Variants in GTF2A2 observed in about 807,000 individuals in gnomAD.
GTF2A2 encodes the protein transcription initiation factor IIA subunit 2.
Under a neutral mutation model 14.3 loss-of-function variants are expected in GTF2A2, and 9 were observed. The ratio of observed to expected loss-of-function variants is 0.63; its 90% CI spans 0.38 to 1.10. GTF2A2 has a LOEUF of 1.10. Among genes scored for constraint, GTF2A2 ranks in the 50% least tolerant of loss-of-function variants. GTF2A2 has a pLI of 0.01. For missense variants in GTF2A2, 90 were observed against 124.6 expected (o/e 0.72, Z 1.32); for synonymous variants, 56 against 46.0 (o/e 1.22, Z -0.88).
At chr15:59,653,505 T>A (rs1246961330) in intron 1 of GTF2A2, among the ~76,000 whole-genome samples, 1 of 152,226 alleles carries the variant, frequency 6.6e-6, no homozygotes, top group East Asian at 1.9e-4. Context: ...TGTCACTGGA[T>A]ACCATTGTAT....
intron 1 of GTF2A2, among the ~76,000 whole-genome samples, chr15:59,653,141 G>T (rs6494131): frequency 2.0e-5 from 3 of 151,906 alleles, no homozygotes; most frequent in Non-Finnish European, 2.9e-5. Context: ...TGCAAGCAGT[G>T]GGGAGTCACT....
chr15:59,646,448 C>T (rs1294590391), intron 3 of GTF2A2, among the ~76,000 whole-genome samples: 2 of 152,134 alleles, frequency 1.3e-5, no homozygotes, highest in Middle Eastern at 3.2e-3. Flanking sequence ...ATTCTTATGC[C>T]TTTGTGTCCT....
intron 3 of GTF2A2, among the ~76,000 whole-genome samples, chr15:59,644,625 G>C (rs1353911873): frequency 2.0e-5 from 3 of 152,200 alleles, no homozygotes; most frequent in African/African-American, 7.2e-5. Context: ...GGTACAATGA[G>C]AGTACAGCAA....
intron 3 of GTF2A2, among the ~76,000 whole-genome samples, chr15:59,643,876 G>A (rs1333295539): frequency 6.6e-6 from 1 of 151,416 alleles, no homozygotes; most frequent in Non-Finnish European, 1.5e-5. Flanking sequence ...GGAATTACAG[G>A]CGTGAGCCAT....
intron 3 of GTF2A2, among the ~76,000 whole-genome samples, chr15:59,648,285 G>A (rs1245948913): frequency 2.7e-5 from 4 of 150,700 alleles, no homozygotes; most frequent in African/African-American, 9.8e-5. Context: ...GCGTGTGCCT[G>A]TAATCCCAGC....
rs138437737 is a variant in GTF2A2 at position 59,642,312 on chromosome 15, A to G, written c.178-50T>C. 45 of 1,515,084 alleles carry G rather than the reference A, an allele frequency of 3.0e-5. No individual in the cohort carries two copies. In the East Asian group the frequency reaches 1.0e-3, roughly 34 times the overall value. 93.9% of individuals were successfully genotyped at this position (1,515,084 alleles called of 1,614,324 possible). A position where few individuals can be genotyped will look rare whatever the true frequency, so the allele number is the denominator to read the frequency against. On this transcript the variant is annotated intron_variant, in intron 3 of 4. Transcript: ENST00000396060. ...ACCGTGAAACGTTTTTTCCCCTCAC[A>G]TTTTTCTCCAAAGCAATTTAAGAGA...
chr15:59,655,391 G>C lies in GTF2A2; in HGVS notation c.-50+2015C>G, dbSNP rs937173641. On this transcript the variant is annotated intron_variant, in intron 1 of 4. Transcript: ENST00000396060. ...TAGCACTCTAAGGAAACAGGTTGGT[G>C]AAGGTCATCAATGGCAATGCTAAAG... Among the ~76,000 whole-genome samples, 8 of 152,210 alleles carry C rather than the reference G, an allele frequency of 5.3e-5. 1 individual carries two copies. Among genetic ancestry groups the C allele is most frequent in the African/African-American group, 1.4e-4 (6 of 41,450 alleles).
chr15:59,642,696 C>A (rs1164858756), intron 3 of GTF2A2, among the ~76,000 whole-genome samples: 1 of 152,254 alleles, frequency 6.6e-6, no homozygotes, highest in Non-Finnish European at 1.5e-5. Context: ...TGACTTGGCT[C>A]AGATGCATTA....
At chr15:59,656,527 T>C (rs974596580) in intron 1 of GTF2A2, among the ~76,000 whole-genome samples, 12 of 152,162 alleles carry the variant, frequency 7.9e-5, no homozygotes, top group Admixed American at 2.0e-4. Flanking sequence ...CAAAGCTTTT[T>C]ATTTTGTTCA....
chr15:59,641,822 G>GTAAA (rs1337947751), intron 4 of GTF2A2, among the ~76,000 whole-genome samples: 2 of 152,276 alleles, frequency 1.3e-5, no homozygotes, highest in African/African-American at 4.8e-5. Flanking sequence ...ATTCCTTAAA[G>GTAAA]TAAAAGGTGT....
chr15:59,647,841 G>A (rs11853610), intron 3 of GTF2A2, among the ~76,000 whole-genome samples: 98,520 of 151,924 alleles, frequency 0.65, 32,251 homozygotes, highest in African/African-American at 0.72. Flanking sequence ...AAGTGCTGGG[G>A]TTACAGGCAT....
At chr15:59,645,796 G>A (rs1891584732) in intron 3 of GTF2A2, among the ~76,000 whole-genome samples, 1 of 151,986 alleles carries the variant, frequency 6.6e-6, no homozygotes, top group African/African-American at 2.4e-5. Flanking sequence ...AGCACTTCGG[G>A]ATGCTGAGGT....
At chr15:59,655,314 ACT>A (rs1422794562) in intron 1 of GTF2A2, among the ~76,000 whole-genome samples, 2 of 152,142 alleles carry the variant, frequency 1.3e-5, no homozygotes, top group African/African-American at 4.8e-5. Flanking sequence ...GTCTGTATTC[ACT>A]GTCTCCCAAT....
At chr15:59,642,024 T>C (rs756422173) in intron 4 of GTF2A2, 112 bp downstream of exon 4, 1 of 837,940 alleles carries the variant, frequency 1.2e-6, no homozygotes, top group Admixed American at 2.7e-5. Context: ...TATCTGGGAA[T>C]TGATCATAGG....
chr15:59,645,949 G>A (rs1040192472), intron 3 of GTF2A2, among the ~76,000 whole-genome samples: 8 of 151,056 alleles, frequency 5.3e-5, no homozygotes, highest in African/African-American at 2.0e-4. Flanking sequence ...CTGGAGAATC[G>A]CTTGAACCCA....
chr15:59,640,181 GAAAATCCTC>G (rs1246928266), intron 4 of GTF2A2: 2 of 84,880 alleles, frequency 2.4e-5, no homozygotes, highest in African/African-American at 6.5e-5. Flanking sequence ...AAGTGTGAGG[GAAAATCCTC>G]AAAAACTACT....
intron 3 of GTF2A2, among the ~76,000 whole-genome samples, chr15:59,648,613 A>G (rs541541125): frequency 3.8e-4 from 58 of 151,882 alleles, no homozygotes; most frequent in Non-Finnish European, 6.5e-4. Flanking sequence ...AAATAATTTC[A>G]CTTATATTGA....
Position 59,638,308 on chromosome 15 carries a change from G to A in GTF2A2, c.*824C>T, listed in dbSNP as rs1057187981. The A allele has an allele frequency of 4.6e-5, 7 of 151,954 alleles. No individual in the cohort carries two copies. Among genetic ancestry groups the A allele is most frequent in the African/African-American group, 1.2e-4 (5 of 41,338 alleles). 9.4% of individuals were successfully genotyped at this position (151,954 alleles called of 1,614,324 possible). A position where few individuals can be genotyped will look rare whatever the true frequency, so the allele number is the denominator to read the frequency against. On this transcript the variant is annotated 3_prime_UTR_variant, in exon 5 of 5. Coordinates refer to ENST00000396060, the MANE Select transcript of GTF2A2 (RefSeq NM_004492.3). ...CAGCAAAAATCTTTTACTCCAATTG[G>A]GTCAATCCAGTTAACCATGTAAGAA...
chr15:59,654,622 G>A (rs1348788642), intron 1 of GTF2A2, among the ~76,000 whole-genome samples: 1 of 152,112 alleles, frequency 6.6e-6, no homozygotes, highest in Non-Finnish European at 1.5e-5. Context: ...CTAGAACAAC[G>A]TATGTAGTAT....
Sources: allele counts gnomAD v4.1 joint callset (sites outside exome capture counted in the v4.1 genomes callset), GRCh38; gene constraint gnomAD v4.1.1; transcripts MANE v1.5; gene names NCBI Gene and HGNC (gene_info 2026-07-23, HGNC 2026-07-21).